SFSWAP: variants seen among roughly 807,000 people sequenced by gnomAD.
The protein encoded by SFSWAP is splicing factor SWAP, also known as splicing factor, suppressor of white-apricot homolog.
In SFSWAP, 17 loss-of-function variants were observed where a neutral mutation model predicts 100.7. That is an observed-to-expected ratio of 0.17 (90% confidence interval 0.12 to 0.25). The LOEUF (loss-of-function observed/expected upper bound fraction) is 0.25, where lower values mean the gene tolerates loss of function less well. Ranked by LOEUF, SFSWAP falls within the 10% of genes least tolerant of loss-of-function variation. The probability of loss-of-function intolerance (pLI) is 1.00; values close to 1 mark genes in which losing one functional copy is unlikely to be tolerated. For synonymous variants in SFSWAP, 504 were observed against 510.1 expected (o/e 0.99, Z 0.16); for missense variants, 1,005 against 1,262.6 (o/e 0.80, Z 3.09).
At position 131,734,980 on chromosome 12, in the gene SFSWAP, G is replaced by A. The variant is rs1158554819; in HGVS notation, c.1081+6552G>A. The stretch of plus-strand genomic sequence containing the variant: ...AGGCCGGAAGCGACTGTCCGTGAAG[G>A]TGACGCTCATACCGTAACCTTAGCA... On this transcript the variant is annotated intron_variant, in intron 7 of 17. Coordinates refer to ENST00000261674, the MANE Select transcript of SFSWAP (RefSeq NM_004592.4). This position sits in a 1 kb window ranked among gnomAD's most constrained non-coding sequence, Gnocchi z 4.9. Among the ~76,000 whole-genome samples the A allele has an allele frequency of 3.3e-5, 5 of 152,170 alleles. No homozygotes were observed. Among genetic ancestry groups the A allele is most frequent in the Non-Finnish European group, 5.9e-5 (4 of 68,036 alleles).
intron 7 of SFSWAP, among the ~76,000 whole-genome samples, chr12:131,735,560 C>T (rs922786935): frequency 8.5e-5 from 13 of 152,192 alleles, no homozygotes; most frequent in East Asian, 5.8e-4. Flanking sequence ...TCATAGTTGG[C>T]GCTTTAAGCA....
intron 12 of SFSWAP, among the ~76,000 whole-genome samples, chr12:131,765,561 T>C (rs1015100195): frequency 1.3e-5 from 2 of 151,610 alleles, no homozygotes; most frequent in African/African-American, 2.4e-5. Context: ...GGCAGGAGAA[T>C]CGCTTGAACC....
chr12:131,799,282 C>A, intron 17 of SFSWAP, 141 bp from the exon 18 acceptor site: 1 of 1,055,230 alleles, frequency 9.5e-7, no homozygotes, highest in East Asian at 2.5e-5. Flanking sequence ...GGCCCGCACC[C>A]TGCACAGCCA....
intron 13 of SFSWAP, among the ~76,000 whole-genome samples, chr12:131,777,586 G>T (rs1031921495): frequency 9.2e-5 from 14 of 152,152 alleles, no homozygotes; most frequent in African/African-American, 2.9e-4. Context: ...CTATTGTGAA[G>T]AGTGCCACAA....
intron 7 of SFSWAP, among the ~76,000 whole-genome samples, chr12:131,739,618 T>C (rs1028523961): frequency 1.5e-5 from 2 of 133,812 alleles, no homozygotes; most frequent in Non-Finnish European, 3.1e-5. Context: ...CAATCTCGGC[T>C]CACTGCAAGC....
Position 131,733,868 on chromosome 12 carries a change from G to A in SFSWAP, c.1081+5440G>A, listed in dbSNP as rs1218716577. On this transcript the variant is annotated intron_variant, in intron 7 of 17. Coordinates refer to ENST00000261674, the MANE Select transcript of SFSWAP (RefSeq NM_004592.4). This position sits in a 1 kb window ranked among gnomAD's most constrained non-coding sequence, Gnocchi z 5.1. ...TGGCACCTGCCCCTCCACTCCCCAT[G>A]CAGCTTCATCCTCCAGGGCGTGGTC... 6.6e-6 allele frequency among the ~76,000 whole-genome samples: 1 copy of A among 152,166 alleles called. No homozygotes were observed. The highest frequency in any genetic ancestry group is 1.5e-5 in the Non-Finnish European group (1 of 68,008).
chr12:131,774,543 C>G (rs192031245), intron 13 of SFSWAP, among the ~76,000 whole-genome samples: 1 of 152,230 alleles, frequency 6.6e-6, no homozygotes, highest in African/African-American at 2.4e-5. Context: ...TACGTCTGCC[C>G]CCCTACATTC....
intron 7 of SFSWAP, among the ~76,000 whole-genome samples, chr12:131,744,012 A>C (rs1880896345): frequency 6.6e-6 from 1 of 152,230 alleles, no homozygotes; most frequent in South Asian, 2.1e-4. Context: ...CAGCTGGGAC[A>C]CAGGGTACCA....
At chr12:131,795,364 CCA>C (rs1176277478) in intron 15 of SFSWAP, among the ~76,000 whole-genome samples, 1 of 152,222 alleles carries the variant, frequency 6.6e-6, no homozygotes, top group Non-Finnish European at 1.5e-5. Flanking sequence ...ACGCCCAGAA[CCA>C]CACAAGGGAG....
At chr12:131,787,008 G>T (rs1187331359) in intron 15 of SFSWAP, among the ~76,000 whole-genome samples, 1 of 152,162 alleles carries the variant, frequency 6.6e-6, no homozygotes, top group African/African-American at 2.4e-5. Flanking sequence ...GTGTGACGGT[G>T]ACTACGGCCC....
chr12:131,722,989 C>T (rs11246771), intron 4 of SFSWAP, among the ~76,000 whole-genome samples: 22,054 of 152,058 alleles, frequency 0.15, 2,200 homozygotes, highest in East Asian at 0.52. Flanking sequence ...GAAGCAAATA[C>T]AGTTGTTGCC....
In SFSWAP at chr12:131,711,501, C is replaced by G; in HGVS notation, c.218+54C>G. ...TTCCCTTCCCTCACCCGCTTGATCT[C>G]GTCTGATGTTGACTTGACTGCAAGG... On this transcript the variant is annotated intron_variant, in intron 1 of 17. Transcript: ENST00000261674. The surrounding 1 kb of genome is among the most constrained non-coding windows in gnomAD (Gnocchi z 4.9). 6.9e-7 allele frequency: 1 copy of G among 1,441,654 alleles called. No homozygotes were observed. The highest frequency in any genetic ancestry group is 1.2e-5 in the South Asian group (1 of 86,886). 89.3% of individuals were successfully genotyped at this position (1,441,654 alleles called of 1,614,324 possible).
chr12:131,739,536 C>CTTTTTTTTTT (rs777610140), intron 7 of SFSWAP, among the ~76,000 whole-genome samples: 4 of 60,842 alleles, frequency 6.6e-5, no homozygotes, highest in Non-Finnish European at 1.3e-4. Flanking sequence ...TCCCCAGTTG[C>CTTTTTTTTTT]TTTTTTTTTT....
chr12:131,726,551 A>C (rs576259074), intron 5 of SFSWAP, among the ~76,000 whole-genome samples: 47 of 152,306 alleles, frequency 3.1e-4, no homozygotes, highest in African/African-American at 1.1e-3. Context: ...ATAAGTTTCA[A>C]ATCAGTTGTG....
chr12:131,712,662 C>T (rs533645560), intron 1 of SFSWAP: 1 of 152,288 alleles, frequency 6.6e-6, no homozygotes, highest in Admixed American at 6.5e-5. Flanking sequence ...AGCTCGAAAA[C>T]GAGAACTGGT....
intron 15 of SFSWAP, among the ~76,000 whole-genome samples, chr12:131,791,969 CTGGTCATTACTGT>C (rs1566061415): frequency 6.6e-6 from 1 of 151,868 alleles, no homozygotes; most frequent in East Asian, 1.9e-4. Context: ...TGTGTGTTCA[CTGGTCATTACTGT>C]GTGTGCACCC....
In SFSWAP at chr12:131,735,645, C is replaced by T. The variant is rs535617726; in HGVS notation, c.1081+7217C>T. Among the ~76,000 whole-genome samples the T allele has an allele frequency of 2.6e-5, 4 of 152,368 alleles. No individual in the cohort carries two copies. In the East Asian group the frequency reaches 5.8e-4, roughly 22 times the overall value. ...CATGAACACATGCTGGGCCCCAGCC[C>T]GTCTGTTGCTGTTCCCTTGGTCTTG... On this transcript the variant is annotated intron_variant, in intron 7 of 17. Coordinates refer to ENST00000261674, the MANE Select transcript of SFSWAP (RefSeq NM_004592.4).
intron 13 of SFSWAP, among the ~76,000 whole-genome samples, chr12:131,774,857 G>A (rs1280247228): frequency 1.3e-5 from 2 of 152,090 alleles, no homozygotes; most frequent in East Asian, 3.9e-4. Context: ...TCAAAATGGA[G>A]CCCTAGTCTT....
intron 15 of SFSWAP, among the ~76,000 whole-genome samples, chr12:131,788,633 C>G (rs1183763436): frequency 1.3e-5 from 2 of 151,778 alleles, no homozygotes. Context: ...TCAAGCCATC[C>G]TCCCACCTCA....
Sources: gnomAD v4.1 joint callset for allele counts (sites outside exome capture counted in the v4.1 genomes callset) on GRCh38, gnomAD v4.1.1 for gene constraint, Gnocchi (gnomAD v3.1) non-coding constraint, MANE v1.5 for transcripts, NCBI Gene and HGNC (gene_info 2026-07-23, HGNC 2026-07-21) for gene names.